Variants in CLEC12B observed in about 807,000 individuals in gnomAD.
CLEC12B encodes C-type lectin domain family 12 member B.
Under a neutral mutation model 36.1 loss-of-function variants are expected in CLEC12B, and 25 were observed. The ratio of observed to expected loss-of-function variants is 0.69; its 90% CI spans 0.50 to 0.97. CLEC12B has a LOEUF of 0.97. Among genes scored for constraint, CLEC12B ranks in the 50% least tolerant of loss-of-function variants. The pLI is 0.00. For missense variants in CLEC12B, 325 were observed against 318.4 expected (o/e 1.02, Z -0.16); for synonymous variants, 110 against 108.5 (o/e 1.01, Z -0.09).
chr12:10,011,002 G>C, intron 1 of CLEC12B, 152 bp downstream of exon 1: 1 of 547,524 alleles, frequency 1.8e-6, no homozygotes, highest in Non-Finnish European at 3.3e-6. Context: ...AGAAAAGTGA[G>C]TGTTCCCAAG....
intron 1 of CLEC12B, 37 bp downstream of exon 1, chr12:10,010,887 G>A: frequency 1.5e-6 from 2 of 1,378,176 alleles, no homozygotes; most frequent in Non-Finnish European, 2.1e-6. Flanking sequence ...GTCCTTGGGG[G>A]AGTGGACAGG....
upstream of CLEC12B, among the ~76,000 whole-genome samples, chr12:10,007,042 T>G (rs372504771): frequency 6.0e-5 from 9 of 150,716 alleles, no homozygotes; most frequent in East Asian, 3.9e-4. Flanking sequence ...GCAACAGAGC[T>G]AGACTCTGTC....
upstream of CLEC12B, among the ~76,000 whole-genome samples, chr12:10,009,657 T>C (rs1378899689): frequency 6.6e-6 from 1 of 152,184 alleles, no homozygotes; most frequent in Non-Finnish European, 1.5e-5. Context: ...GTTTTTACAT[T>C]GCCTTTCTGC....
At chr12:10,011,915 A>C (rs1865337613) in intron 1 of CLEC12B, among the ~76,000 whole-genome samples, 1 of 152,222 alleles carries the variant, frequency 6.6e-6, no homozygotes, top group African/African-American at 2.4e-5. Context: ...TATGGTGCAT[A>C]TCACAGTGTA....
chr12:10,017,791 C>A (rs1236577647), intron 5 of CLEC12B: 20 of 892,714 alleles, frequency 2.2e-5, no homozygotes, highest in Non-Finnish European at 2.6e-5. Context: ...ACATCAATTT[C>A]TTAGCAGAGG....
At position 10,010,667 on chromosome 12, in the gene CLEC12B, C is replaced by A; in HGVS notation, c.-93C>A. The A allele has an allele frequency of 2.6e-6, 2 of 759,342 alleles. No homozygotes were observed. The highest frequency in any genetic ancestry group is 2.2e-6 in the Non-Finnish European group (1 of 455,096). The allele number at this position is 759,342 out of a possible 1,614,324, so 47.0% of individuals were successfully genotyped here. On this transcript the variant is annotated 5_prime_UTR_variant, in exon 1 of 6. Coordinates refer to ENST00000338896, the MANE Select transcript of CLEC12B (RefSeq NM_001129998.3). Reference sequence around the variant, plus strand: ...GTCTGGGTCAGCTGAGTGACTACATCAAAGCTCCCAGCCTTGAAAAACACA... The same window carrying A: ...GTCTGGGTCAGCTGAGTGACTACATAAAAGCTCCCAGCCTTGAAAAACACA...
At chr12:10,017,161 C>T (rs1865506887) in intron 5 of CLEC12B, 1 of 985,316 alleles carries the variant, frequency 1.0e-6, no homozygotes, top group South Asian at 4.7e-5. Context: ...TACTCAAACA[C>T]TAATCCCCCA....
chr12:10,011,063 T>C (rs1029451689), intron 1 of CLEC12B, among the ~76,000 whole-genome samples: 1 of 152,210 alleles, frequency 6.6e-6, no homozygotes, highest in Non-Finnish European at 1.5e-5. Context: ...TTGTGTGATA[T>C]CACACAGTCA....
chr12:10,015,943 T>G, intron 5 of CLEC12B: 1 of 1,361,452 alleles, frequency 7.3e-7, no homozygotes, highest in Non-Finnish European at 9.5e-7. Flanking sequence ...GGTAGAAATG[T>G]GTTTATTTAA....
chr12:10,017,377 A>G (rs1865512620), intron 5 of CLEC12B: 1 of 985,288 alleles, frequency 1.0e-6, no homozygotes. Context: ...TAGTACTATG[A>G]CATCATGTAA....
chr12:10,012,790 C>G lies in CLEC12B; in HGVS notation c.97C>G (p.Pro33Ala). 6.2e-7 allele frequency: 1 copy of G among 1,613,022 alleles called. No individual in the cohort carries two copies. The highest frequency in any genetic ancestry group is 8.5e-7 in the Non-Finnish European group (1 of 1,179,632). ...DGNNLRKRGHPAPSPIWRHAA... is the reference protein window; with the variant it reads ...DGNNLRKRGHAAPSPIWRHAA... ...GCTCTTTTGGCTTTCTCCAGGGCAT[C>G]CAGCTCCATCTCCCATTTGGCGTCA... Residue 33 changes from proline to alanine, a missense_variant, in exon 2 of 6, where the codon CCA (proline) becomes GCA (alanine). Physicochemically the swap from Pro to Ala is conservative, Grantham distance 27. Transcript: ENST00000338896.
At position 10,018,531 on chromosome 12, in the gene CLEC12B, A is replaced by C; in HGVS notation, c.*50A>C. The C allele has an allele frequency of 3.9e-5, 58 of 1,475,644 alleles. No individual in the cohort carries two copies. The highest frequency in any genetic ancestry group is 4.8e-5 in the Non-Finnish European group (52 of 1,094,224). The allele number at this position is 1,475,644 out of a possible 1,614,324, so 91.4% of individuals were successfully genotyped here. ...AAGTAAGAGACTTGTGAGTAAGCTC[A>C]TATGAGGAAAGAGGAAACTACGGTA... On this transcript the variant is annotated 3_prime_UTR_variant, in exon 6 of 6. Coordinates refer to ENST00000338896, the MANE Select transcript of CLEC12B (RefSeq NM_001129998.3).
chr12:10,014,458 C>T (rs995847065), intron 2 of CLEC12B, 65 bp from the exon 3 acceptor site: 51 of 1,144,590 alleles, frequency 4.5e-5, no homozygotes, highest in Middle Eastern at 2.1e-4. Context: ...GTTTCTGTCA[C>T]GAGAATTATC....
At chr12:10,010,972 A>T in intron 1 of CLEC12B, 122 bp downstream of exon 1, 1 of 605,776 alleles carries the variant, frequency 1.7e-6, no homozygotes, top group Non-Finnish European at 2.9e-6. Flanking sequence ...AAATGGGGAC[A>T]AATAGTTGTG....
intron 1 of CLEC12B, among the ~76,000 whole-genome samples, 157 bp downstream of exon 1, chr12:10,011,007 C>A (rs1591862612): frequency 1.3e-5 from 2 of 152,098 alleles, no homozygotes; most frequent in African/African-American, 4.8e-5. Flanking sequence ...AGTGAGTGTT[C>A]CCAAGGTTGA....
upstream of CLEC12B, among the ~76,000 whole-genome samples, chr12:10,009,551 T>G (rs901223387): frequency 6.9e-6 from 1 of 144,636 alleles, no homozygotes; most frequent in Non-Finnish European, 1.5e-5. Context: ...TTTGATTATT[T>G]CATCAATTTG....
chr12:10,009,465 A>T (rs911492815), upstream of CLEC12B, among the ~76,000 whole-genome samples: 1 of 152,006 alleles, frequency 6.6e-6, no homozygotes, highest in African/African-American at 2.4e-5. Flanking sequence ...AAACATAAGC[A>T]TAGATTTATT....
At chr12:10,015,517 T>A in intron 4 of CLEC12B, 95 bp from the exon 5 acceptor site, 2 of 1,569,914 alleles carry the variant, frequency 1.3e-6, no homozygotes, top group Non-Finnish European at 1.7e-6. Context: ...GAATTAGAAT[T>A]AATACATGAA....
At chr12:10,014,383 G>A (rs1865418827) in intron 2 of CLEC12B, 140 bp from the exon 3 acceptor site, 1 of 580,688 alleles carries the variant, frequency 1.7e-6, no homozygotes, top group South Asian at 2.6e-5. Flanking sequence ...AAGGCATCTG[G>A]TTTGTTTCTT....
Sources: gnomAD v4.1 joint callset for allele counts (sites outside exome capture counted in the v4.1 genomes callset) on GRCh38, gnomAD v4.1.1 for gene constraint, MANE v1.5 for transcripts, NCBI Gene and HGNC (gene_info 2026-07-23, HGNC 2026-07-21) for gene names.